Variants in DNAH11 observed in about 807,000 individuals in gnomAD.
DNAH11 encodes axonemal beta dynein heavy chain 11.
Under a neutral mutation model 526.0 loss-of-function variants are expected in DNAH11, and 442 were observed. That is an observed-to-expected ratio of 0.84 (90% CI 0.78 to 0.91). The LOEUF (loss-of-function observed/expected upper bound fraction) is 0.91, where lower values mean the gene tolerates loss of function less well. DNAH11 is among the 40% of genes least tolerant of loss of function. The pLI, the probability that DNAH11 is intolerant of heterozygous loss-of-function variation, is 0.00. For synonymous variants in DNAH11, 2,461 were observed against 1,935.9 expected (o/e 1.27, Z -7.12); for missense variants, 6,989 against 5,448.7 (o/e 1.28, Z -8.90).
At chr7:21,762,172 T>C (rs1205772407) in intron 54 of DNAH11, among the ~76,000 whole-genome samples, 1 of 152,118 alleles carries the variant, frequency 6.6e-6, no homozygotes, top group African/African-American at 2.4e-5. Flanking sequence ...ATTATGGGGA[T>C]TTCAACTCGA....
chr7:21,822,173 A>G (rs1790081999), intron 65 of DNAH11, among the ~76,000 whole-genome samples: 2 of 152,130 alleles, frequency 1.3e-5, no homozygotes, highest in Admixed American at 6.5e-5. Context: ...ATTTTTTTTA[A>G]AAAGAGTTTG....
Position 21,720,849 on chromosome 7 carries a change from A to G in DNAH11, c.7259A>G (p.Gln2420Arg). 1 of 1,612,570 alleles carries G rather than the reference A, an allele frequency of 6.2e-7. No homozygotes were observed. ...CIWAFGGTLL[Q>R]DQISDYQADF... ...TGGGCTTTTGGAGGCACCCTGCTACAAGATCAGGTATGTTTAGAAATAGTT... is the reference window on the plus strand; with the variant it reads ...TGGGCTTTTGGAGGCACCCTGCTACGAGATCAGGTATGTTTAGAAATAGTT... Residue 2420 changes from glutamine to arginine, a missense_variant, in exon 44 of 82, where the codon CAA becomes CGA. Gln to Arg is a conservative substitution (Grantham distance 43). Transcript: ENST00000409508.
chr7:21,847,150 G>T (rs9969212), intron 66 of DNAH11, among the ~76,000 whole-genome samples: 26,471 of 152,018 alleles, frequency 0.17, 4,843 homozygotes, highest in African/African-American at 0.46. Flanking sequence ...TTGGATTTTA[G>T]TTTCTCTACT....
intron 25 of DNAH11, among the ~76,000 whole-genome samples, chr7:21,624,265 A>T (rs534704753): frequency 1.3e-5 from 2 of 152,262 alleles, no homozygotes; most frequent in East Asian, 3.9e-4. Flanking sequence ...GGTTTTTAGT[A>T]TACAGATATT....
chr7:21,886,202 C>A lies in DNAH11; in HGVS notation c.12507+1792C>A, dbSNP rs1022168578. Among the ~76,000 whole-genome samples the A allele has an allele frequency of 2.0e-5, 3 of 152,054 alleles. No individual in the cohort carries two copies. In the South Asian group the frequency reaches 6.2e-4, roughly 31 times the overall value. The stretch of plus-strand genomic sequence containing the variant: ...AGCATTATATAGATTTGATCACCTT[C>A]CTAGAGTTCATTTTGAGAAGTAATA... On this transcript the variant is annotated intron_variant, in intron 76 of 81. Coordinates refer to ENST00000409508, the MANE Select transcript of DNAH11 (RefSeq NM_001277115.2).
chr7:21,658,238 G>T (rs1465686455), intron 29 of DNAH11, among the ~76,000 whole-genome samples: 1 of 152,056 alleles, frequency 6.6e-6, no homozygotes, highest in Non-Finnish European at 1.5e-5. Flanking sequence ...TTTCTGACAA[G>T]TGTGAAGATT....
At chr7:21,730,233 C>A (rs529383263) in intron 45 of DNAH11, among the ~76,000 whole-genome samples, 1 of 152,286 alleles carries the variant, frequency 6.6e-6, no homozygotes, top group African/African-American at 2.4e-5. Context: ...ACCTAAGTGT[C>A]CATCAGTGGA....
At chr7:21,690,908 A>G (rs778015945) in intron 35 of DNAH11, 27 bp downstream of exon 35, 1 of 1,545,942 alleles carries the variant, frequency 6.5e-7, no homozygotes, top group South Asian at 1.1e-5. Flanking sequence ...GTGGCTTAGC[A>G]TCTGGTGCAC....
chr7:21,558,604 G>A (rs1783314898), intron 2 of DNAH11, among the ~76,000 whole-genome samples, 198 bp from the exon 3 acceptor site: 1 of 152,186 alleles, frequency 6.6e-6, no homozygotes, highest in Non-Finnish European at 1.5e-5. Flanking sequence ...CAAGCAGTAT[G>A]CTAATTCCAC....
intron 54 of DNAH11, among the ~76,000 whole-genome samples, chr7:21,755,641 G>A (rs1786597002): frequency 6.6e-6 from 1 of 151,928 alleles, no homozygotes; most frequent in Non-Finnish European, 1.5e-5. Flanking sequence ...TAACATATTG[G>A]TATGTTTCCT....
intron 68 of DNAH11, among the ~76,000 whole-genome samples, chr7:21,856,372 G>A (rs1562586899): frequency 6.6e-6 from 1 of 152,158 alleles, no homozygotes; most frequent in African/African-American, 2.4e-5. Flanking sequence ...ATAACTAGCA[G>A]GTTTCCTAAC....
At position 21,901,588 on chromosome 7, in the gene DNAH11, A is replaced by ATAAAAGTACATCATAT. The variant is rs1429415360; in HGVS notation, c.*335_*350dup. Reference sequence around the variant, plus strand: ...CATCTCAAAAAAAAAAAAGTACATCATAAAAGTACATCATATGTGAACATG... The same window carrying ATAAAAGTACATCATAT: ...CATCTCAAAAAAAAAAAAGTACATCATAAAAGTACATCATATTAAAAGTACATCATATGTGAACATG... On this transcript the variant is annotated 3_prime_UTR_variant, in exon 82 of 82. Transcript: ENST00000409508. The ATAAAAGTACATCATAT allele has an allele frequency of 5.6e-6, 1 of 177,042 alleles. No individual in the cohort carries two copies. 11.0% of individuals were successfully genotyped at this position (177,042 alleles called of 1,614,324 possible).
intron 46 of DNAH11, 44 bp from the exon 47 acceptor site, chr7:21,738,657 T>G (rs1346266382): frequency 1.3e-6 from 2 of 1,504,648 alleles, no homozygotes; most frequent in Non-Finnish European, 8.9e-7. Flanking sequence ...AAATGAACAT[T>G]TACATTCTGT....
At chr7:21,851,407 C>T (rs2128023342) in intron 66 of DNAH11, 1 of 335,032 alleles carries the variant, frequency 3.0e-6, no homozygotes, top group Middle Eastern at 6.7e-4. Flanking sequence ...CTCAGGAAGT[C>T]CTTTATCGCA....
At chr7:21,806,091 C>A (rs938760415) in intron 62 of DNAH11, among the ~76,000 whole-genome samples, 2 of 152,190 alleles carry the variant, frequency 1.3e-5, no homozygotes, top group Non-Finnish European at 2.9e-5. Flanking sequence ...TGATTTTTAA[C>A]TGTCTTGAAA....
intron 61 of DNAH11, among the ~76,000 whole-genome samples, chr7:21,794,820 T>G (rs983355946): frequency 6.6e-6 from 1 of 152,192 alleles, no homozygotes; most frequent in Admixed American, 6.5e-5. Flanking sequence ...TGCAAGGGAA[T>G]GTAAGATGGC....
At position 21,869,139 on chromosome 7, in the gene DNAH11, T is replaced by C. The variant is rs974345727; in HGVS notation, c.11967+148T>C. The C allele has an allele frequency of 1.7e-5, 20 of 1,178,776 alleles. No individual in the cohort carries two copies. The Admixed American group carries it at 4.6e-4, about 27-fold the overall frequency. The allele number at this position is 1,178,776 out of a possible 1,614,324, so 73.0% of individuals were successfully genotyped here. On this transcript the variant is annotated intron_variant, in intron 73 of 81. Coordinates refer to ENST00000409508, the MANE Select transcript of DNAH11 (RefSeq NM_001277115.2). Reference sequence around the variant, plus strand: ...CAGTACTGTCAGTGTTCATGATGCCTGCAAAGATGGTGAGGGGCTCTGCGG... The same window carrying C: ...CAGTACTGTCAGTGTTCATGATGCCCGCAAAGATGGTGAGGGGCTCTGCGG...
In DNAH11 at chr7:21,865,636, C is replaced by T. The variant is rs888659182; in HGVS notation, c.11497-834C>T. 7.2e-5 allele frequency among the ~76,000 whole-genome samples: 11 copies of T among 152,092 alleles called. No individual in the cohort carries two copies. The South Asian group carries it at 1.0e-3, about 14-fold the overall frequency. ...TAGTCCCTCCCAAACCACATTCCCA[C>T]GAGAAAGAGCTGGGGTAGAAATGTT... On this transcript the variant is annotated intron_variant, in intron 70 of 81. Coordinates refer to ENST00000409508, the MANE Select transcript of DNAH11 (RefSeq NM_001277115.2).
chr7:21,699,676 T>G (rs1179289844), intron 36 of DNAH11, among the ~76,000 whole-genome samples: 1 of 152,158 alleles, frequency 6.6e-6, no homozygotes, highest in Non-Finnish European at 1.5e-5. Context: ...GTTTTTATTT[T>G]TTTCCTTATT....
Sources: gnomAD v4.1 joint callset for allele counts (sites outside exome capture counted in the v4.1 genomes callset) on GRCh38, gnomAD v4.1.1 for gene constraint, MANE v1.5 for transcripts, NCBI Gene and HGNC (gene_info 2026-07-23, HGNC 2026-07-21) for gene names.